CYRIA: variants seen among roughly 807,000 people sequenced by gnomAD.
The protein encoded by CYRIA is CYFIP-related Rac1 interactor A.
A neutral mutation model predicts 43.9 loss-of-function variants in CYRIA; 15 were observed. The observed-to-expected ratio is 0.34, with a 90% CI of 0.23 to 0.53. The LOEUF is 0.53. Ranked by LOEUF, CYRIA falls within the 20% of genes least tolerant of loss-of-function variation. The pLI, the probability that CYRIA is intolerant of heterozygous loss-of-function variation, is 0.94. For synonymous variants in CYRIA, 117 were observed against 136.0 expected, an observed-to-expected ratio of 0.86 and a Z score of 0.97; for missense variants, 236 against 394.2, an observed-to-expected ratio of 0.60 and a Z score of 3.40.
chr2:16,625,202 G>A (rs1572185487), intron 1 of CYRIA, among the ~76,000 whole-genome samples: 1 of 152,180 alleles, frequency 6.6e-6, no homozygotes, highest in Non-Finnish European at 1.5e-5. Context: ...TAAAGTCCAA[G>A]ACTTCCTGCC....
At chr2:16,641,432 T>C (rs768002041) in intron 1 of CYRIA, among the ~76,000 whole-genome samples, 3 of 152,190 alleles carry the variant, frequency 2.0e-5, no homozygotes, top group Non-Finnish European at 4.4e-5. Context: ...TGTTTAATTC[T>C]AAATCCTATC....
intron 3 of CYRIA, among the ~76,000 whole-genome samples, chr2:16,568,227 GAAAAAAAAAAAA>G: frequency 1.1e-5 from 1 of 88,728 alleles, no homozygotes; most frequent in East Asian, 3.9e-4. Context: ...TTCAAAATCA[GAAAAAAAAAAAA>G]AAAAAAAAAA....
chr2:16,620,797 G>C (rs565449531), intron 2 of CYRIA, among the ~76,000 whole-genome samples: 22 of 152,248 alleles, frequency 1.4e-4, no homozygotes, highest in African/African-American at 4.8e-4. Flanking sequence ...AAGGTGCACA[G>C]GATTCCCCGA....
At chr2:16,590,223 G>A (rs1296584788) in intron 2 of CYRIA, among the ~76,000 whole-genome samples, 2 of 152,070 alleles carry the variant, frequency 1.3e-5, no homozygotes, top group East Asian at 1.9e-4. Context: ...TCCTGTGTGC[G>A]GTAGGTTCTG....
At chr2:16,557,663 C>T (rs963598409) in intron 10 of CYRIA, among the ~76,000 whole-genome samples, 31 of 152,266 alleles carry the variant, frequency 2.0e-4, no homozygotes, top group Admixed American at 6.5e-4. Context: ...CCTCCACGGA[C>T]AAAAGCAAAC....
At chr2:16,603,950 G>A (rs1005360950) in intron 2 of CYRIA, among the ~76,000 whole-genome samples, 1 of 152,162 alleles carries the variant, frequency 6.6e-6, no homozygotes, top group South Asian at 2.1e-4. Context: ...TCCTAAATAT[G>A]CCAGGTTTAT....
intron 1 of CYRIA, among the ~76,000 whole-genome samples, chr2:16,637,013 C>G (rs1049341166): frequency 6.6e-6 from 1 of 152,042 alleles, no homozygotes; most frequent in Non-Finnish European, 1.5e-5. Flanking sequence ...CCAAAACCCC[C>G]ACACACCAGG....
At chr2:16,637,124 G>A (rs1210314439) in intron 1 of CYRIA, among the ~76,000 whole-genome samples, 1 of 144,806 alleles carries the variant, frequency 6.9e-6, no homozygotes, top group Non-Finnish European at 1.5e-5. Flanking sequence ...TGATGCCCAG[G>A]CTGAGTGAGA....
intron 11 of CYRIA, among the ~76,000 whole-genome samples, chr2:16,554,674 C>T (rs1209582273): frequency 1.3e-5 from 2 of 152,262 alleles, no homozygotes; most frequent in South Asian, 2.1e-4. Flanking sequence ...CCCACATAAT[C>T]CTCAAGTGCA....
chr2:16,659,606 A>G (rs1285805276), intron 1 of CYRIA, among the ~76,000 whole-genome samples: 8 of 152,168 alleles, frequency 5.3e-5, no homozygotes, highest in Admixed American at 1.3e-4. Flanking sequence ...CCCCAACCAC[A>G]GCATGAAGCT....
intron 3 of CYRIA, among the ~76,000 whole-genome samples, chr2:16,575,748 C>T (rs1179585339): frequency 2.6e-5 from 4 of 151,794 alleles, no homozygotes; most frequent in South Asian, 2.1e-4. Flanking sequence ...CCCAGCTACT[C>T]GGGAGGCTGA....
At chr2:16,637,444 T>G (rs1043193502) in intron 1 of CYRIA, among the ~76,000 whole-genome samples, 2 of 152,176 alleles carry the variant, frequency 1.3e-5, no homozygotes, top group African/African-American at 4.8e-5. Flanking sequence ...CATATGAGGA[T>G]GCAATGAGGA....
At chr2:16,609,868 G>A (rs1401589061) in intron 2 of CYRIA, among the ~76,000 whole-genome samples, 1 of 152,178 alleles carries the variant, frequency 6.6e-6, no homozygotes, top group Non-Finnish European at 1.5e-5. Context: ...TTACTGGTCA[G>A]AGAATCTACT....
intron 3 of CYRIA, among the ~76,000 whole-genome samples, chr2:16,586,456 G>T (rs571425554): frequency 6.6e-6 from 1 of 151,748 alleles, no homozygotes; most frequent in Non-Finnish European, 1.5e-5. Flanking sequence ...ATATCAACTC[G>T]CTCTGCCTCT....
chr2:16,626,704 T>A (rs1669179493), intron 1 of CYRIA, among the ~76,000 whole-genome samples: 1 of 152,160 alleles, frequency 6.6e-6, no homozygotes, highest in Admixed American at 6.5e-5. Context: ...GGAAAGAAAC[T>A]GAAAACTCTC....
At chr2:16,568,868 A>G (rs1262508212) in intron 3 of CYRIA, among the ~76,000 whole-genome samples, 1 of 152,228 alleles carries the variant, frequency 6.6e-6, no homozygotes, top group Non-Finnish European at 1.5e-5. Context: ...TCACCGCTTG[A>G]TAAGTTTTAG....
At chr2:16,601,581 A>G (rs116332896) in intron 2 of CYRIA, among the ~76,000 whole-genome samples, 126 of 152,142 alleles carry the variant, frequency 8.3e-4, no homozygotes, top group African/African-American at 2.9e-3. Context: ...GGATGTACTC[A>G]TGGTATTTTC....
chr2:16,659,332 G>A (rs1214628464), intron 1 of CYRIA, among the ~76,000 whole-genome samples: 1 of 152,218 alleles, frequency 6.6e-6, no homozygotes, highest in East Asian at 1.9e-4. Flanking sequence ...TTCTAATGAG[G>A]TGACATTCTG....
intron 1 of CYRIA, among the ~76,000 whole-genome samples, chr2:16,632,496 G>A (rs6733473): frequency 0.18 from 27,256 of 151,924 alleles, 3,933 homozygotes; most frequent in East Asian, 0.6. Context: ...AGCCTCAGAG[G>A]CAATGATATA....
Sources: allele counts gnomAD v4.1 joint callset (sites outside exome capture counted in the v4.1 genomes callset), GRCh38; gene constraint gnomAD v4.1.1; transcripts MANE v1.5; gene names NCBI Gene and HGNC (gene_info 2026-07-23, HGNC 2026-07-21).